Variants in NTM observed in about 807,000 individuals in gnomAD.
NTM encodes the protein neurotrimin.
NTM carries 13 observed loss-of-function variants against 42.1 expected under a neutral mutation model. The observed-to-expected ratio is 0.31, with a 90% CI of 0.20 to 0.49. The LOEUF (loss-of-function observed/expected upper bound fraction) is 0.49. Ranked by LOEUF, NTM falls within the 20% of genes least tolerant of loss-of-function variation. The pLI is 0.99. For synonymous variants in NTM, 187 were observed against 179.2 expected (o/e 1.04, Z -0.35); for missense variants, 373 against 452.8 (o/e 0.82, Z 1.60).
intron 1 of NTM, among the ~76,000 whole-genome samples, chr11:131,443,411 G>T (rs190602603): frequency 2.0e-5 from 3 of 152,272 alleles, no homozygotes; most frequent in East Asian, 1.9e-4. Flanking sequence ...TATTGCAGAA[G>T]AAAATATATT....
At chr11:132,288,810 G>A (rs567239187) in intron 4 of NTM, among the ~76,000 whole-genome samples, 303 of 152,002 alleles carry the variant, frequency 2.0e-3, no homozygotes, top group Non-Finnish European at 3.3e-3. Flanking sequence ...TAGTAGAGAC[G>A]GGGTTTCACC....
intron 1 of NTM, among the ~76,000 whole-genome samples, chr11:131,556,813 G>A (rs981046824): frequency 6.6e-6 from 1 of 152,150 alleles, no homozygotes; most frequent in Admixed American, 6.5e-5. Context: ...TGACTCACCT[G>A]CCTCAGCCTC....
At chr11:131,876,519 A>G (rs1329969715) in intron 1 of NTM, among the ~76,000 whole-genome samples, 1 of 152,258 alleles carries the variant, frequency 6.6e-6, no homozygotes, top group East Asian at 1.9e-4. Context: ...TAGCCCAAGC[A>G]AAATATAATT....
At chr11:131,988,752 C>G (rs771036028) in intron 2 of NTM, among the ~76,000 whole-genome samples, 1 of 152,146 alleles carries the variant, frequency 6.6e-6, no homozygotes, top group Non-Finnish European at 1.5e-5. Flanking sequence ...TGATGGCCAG[C>G]AGAGGCAGTT....
At chr11:131,742,604 A>C (rs2081327413) in intron 1 of NTM, among the ~76,000 whole-genome samples, 1 of 151,196 alleles carries the variant, frequency 6.6e-6, no homozygotes, top group African/African-American at 2.4e-5. Flanking sequence ...ATTAAAGAGC[A>C]CTTATGTCAA....
intron 2 of NTM, among the ~76,000 whole-genome samples, chr11:131,915,693 G>T (rs946006573): frequency 1.3e-5 from 2 of 152,160 alleles, no homozygotes; most frequent in African/African-American, 4.8e-5. Context: ...AGTTCCACGT[G>T]GCTGGGGAGG....
intron 1 of NTM, among the ~76,000 whole-genome samples, chr11:131,551,662 T>G (rs568790511): frequency 6.6e-6 from 1 of 152,350 alleles, no homozygotes; most frequent in East Asian, 1.9e-4. Context: ...CCCAGGAGAC[T>G]GCCCTGTTGA....
chr11:132,179,748 A>C (rs1287921953), intron 3 of NTM, among the ~76,000 whole-genome samples: 3 of 152,136 alleles, frequency 2.0e-5, no homozygotes, highest in Non-Finnish European at 2.9e-5. Context: ...AGGAGATACC[A>C]AGTGGAATGT....
At chr11:131,425,105 C>T (rs1372003597) in intron 1 of NTM, among the ~76,000 whole-genome samples, 1 of 150,604 alleles carries the variant, frequency 6.6e-6, no homozygotes, top group Non-Finnish European at 1.5e-5. Flanking sequence ...TGGTTTTGAA[C>T]ATCTGGCCTC....
intron 1 of NTM, among the ~76,000 whole-genome samples, chr11:131,827,226 G>A (rs2042246507): frequency 6.6e-6 from 1 of 152,130 alleles, no homozygotes; most frequent in African/African-American, 2.4e-5. Flanking sequence ...TGCTATAGAG[G>A]TAAAGGCAAG....
chr11:132,311,882 C>T (rs1043014003), intron 6 of NTM, among the ~76,000 whole-genome samples: 3 of 152,218 alleles, frequency 2.0e-5, no homozygotes, highest in Admixed American at 2.0e-4. Flanking sequence ...ATAGGGACAG[C>T]TGTCCCTGCC....
chr11:132,182,576 C>T (rs996176135), intron 3 of NTM, among the ~76,000 whole-genome samples: 1 of 152,144 alleles, frequency 6.6e-6, no homozygotes, highest in Non-Finnish European at 1.5e-5. Context: ...TAAGGTGACA[C>T]TAAAACTGGA....
At chr11:132,262,164 C>T (rs2139556284) in intron 4 of NTM, among the ~76,000 whole-genome samples, 1 of 152,326 alleles carries the variant, frequency 6.6e-6, no homozygotes, top group South Asian at 2.1e-4. Flanking sequence ...ATAATTCCCC[C>T]AGGAGTCTCT....
intron 1 of NTM, among the ~76,000 whole-genome samples, chr11:131,729,034 A>G (rs1280063750): frequency 6.6e-6 from 1 of 152,242 alleles, no homozygotes; most frequent in African/African-American, 2.4e-5. Flanking sequence ...GTGTAATGAT[A>G]AGAAAGAACT....
intron 7 of NTM, among the ~76,000 whole-genome samples, chr11:132,324,948 G>T (rs1418466626): frequency 1.3e-5 from 2 of 151,422 alleles, no homozygotes; most frequent in Non-Finnish European, 3.0e-5. Flanking sequence ...AAATGGTGCT[G>T]GGAAAACTGG....
At chr11:132,210,977 A>G (rs541147206) in intron 3 of NTM, among the ~76,000 whole-genome samples, 2 of 152,220 alleles carry the variant, frequency 1.3e-5, no homozygotes, top group Non-Finnish European at 2.9e-5. Flanking sequence ...GAGAGATGTT[A>G]TGGCTAACTG....
At chr11:131,987,921 C>G (rs1386027241) in intron 2 of NTM, among the ~76,000 whole-genome samples, 1 of 152,252 alleles carries the variant, frequency 6.6e-6, no homozygotes, top group Non-Finnish European at 1.5e-5. Context: ...TGCACACTGT[C>G]TACCTGTAAG....
At chr11:131,370,970 C>A in intron 1 of NTM, 82 bp downstream of exon 1, 2 of 1,593,966 alleles carry the variant, frequency 1.3e-6, no homozygotes, top group South Asian at 1.1e-5. Flanking sequence ...CTCCCCGAGT[C>A]GGCTGTGCTG....
chr11:131,880,467 C>T (rs2049287861), intron 1 of NTM, among the ~76,000 whole-genome samples: 1 of 152,224 alleles, frequency 6.6e-6, no homozygotes, highest in Non-Finnish European at 1.5e-5. Flanking sequence ...GGACAAGGAG[C>T]ACTAGCTTAA....
Sources: allele counts gnomAD v4.1 joint callset (sites outside exome capture counted in the v4.1 genomes callset), GRCh38; gene constraint gnomAD v4.1.1; transcripts MANE v1.5; gene names NCBI Gene and HGNC (gene_info 2026-07-23, HGNC 2026-07-21).